Variants in COL27A1 observed in about 807,000 individuals in gnomAD.
COL27A1 encodes the protein collagen alpha-1(XXVII) chain.
COL27A1 carries 106 observed loss-of-function variants against 251.3 expected under a neutral mutation model. That is an observed-to-expected ratio of 0.42 (90% CI 0.36 to 0.50). COL27A1 has a LOEUF of 0.50. Ranked by LOEUF, COL27A1 falls within the 20% of genes least tolerant of loss-of-function variation. The pLI is 0.00. For synonymous variants in COL27A1, 1,000 were observed against 986.3 expected, an observed-to-expected ratio of 1.01 and a Z score of -0.26; for missense variants, 2,325 against 2,522.8, an observed-to-expected ratio of 0.92 and a Z score of 1.68.
At chr9:114,163,413 A>G (rs1848627270) in intron 2 of COL27A1, among the ~76,000 whole-genome samples, 1 of 151,990 alleles carries the variant, frequency 6.6e-6, no homozygotes, top group South Asian at 2.1e-4. Flanking sequence ...TAAAAAAAAA[A>G]AAAAGGCATT....
chr9:114,212,480 A>G (rs1390611551), intron 12 of COL27A1, among the ~76,000 whole-genome samples: 1 of 152,258 alleles, frequency 6.6e-6, no homozygotes, highest in Non-Finnish European at 1.5e-5. Flanking sequence ...GAATGGGGAA[A>G]TGGAAGAATG....
At position 114,237,052 on chromosome 9, in the gene COL27A1, C is replaced by A; in HGVS notation, c.2673+18C>A. Reference sequence around the variant, plus strand: ...GGCCTCTGGTAAGTACCTGCTCCTCCAGCACCCCCAAACCTCACACTCTCC... The same window carrying A: ...GGCCTCTGGTAAGTACCTGCTCCTCAAGCACCCCCAAACCTCACACTCTCC... On this transcript the variant is annotated intron_variant, in intron 18 of 60. Transcript: ENST00000356083. 6.3e-7 allele frequency: 1 copy of A among 1,588,262 alleles called. No individual in the cohort carries two copies.
At chr9:114,180,134 C>T (rs1414664539) in intron 4 of COL27A1, among the ~76,000 whole-genome samples, 1 of 151,290 alleles carries the variant, frequency 6.6e-6, no homozygotes, top group East Asian at 2.0e-4. Flanking sequence ...GCCACTGCGC[C>T]TAGCCCAGAG....
At chr9:114,291,897 C>T (rs189948740) in intron 48 of COL27A1, among the ~76,000 whole-genome samples, 12 of 152,162 alleles carry the variant, frequency 7.9e-5, no homozygotes, top group Admixed American at 3.3e-4. Flanking sequence ...GCCCGGAATG[C>T]GAGAGGAGAG....
At chr9:114,229,359 C>T (rs1208012727) in intron 14 of COL27A1, among the ~76,000 whole-genome samples, 1 of 152,232 alleles carries the variant, frequency 6.6e-6, no homozygotes, top group South Asian at 2.1e-4. Flanking sequence ...CTGTCTCTCT[C>T]TCTCCTCGGG....
At chr9:114,163,284 C>G (rs1422519874) in intron 2 of COL27A1, among the ~76,000 whole-genome samples, 1 of 151,968 alleles carries the variant, frequency 6.6e-6, no homozygotes, top group Non-Finnish European at 1.5e-5. Context: ...AGGAAGGACT[C>G]TGTGCAGAAA....
At chr9:114,241,999 C>T (rs564487796) in intron 21 of COL27A1, among the ~76,000 whole-genome samples, 188 bp from the exon 22 acceptor site, 1 of 152,368 alleles carries the variant, frequency 6.6e-6, no homozygotes, top group African/African-American at 2.4e-5. Flanking sequence ...GTAGCCTGGC[C>T]TCTAGGCCAT....
intron 56 of COL27A1, among the ~76,000 whole-genome samples, chr9:114,304,187 G>T (rs10759690): frequency 0.38 from 58,593 of 152,200 alleles, 12,618 homozygotes; most frequent in Non-Finnish European, 0.48. Context: ...TAGCCAGATG[G>T]TGCATTGAAG....
intron 11 of COL27A1, 143 bp downstream of exon 11, chr9:114,209,871 A>G: frequency 2.6e-6 from 2 of 756,078 alleles, no homozygotes; most frequent in Admixed American, 2.1e-5. Context: ...TGATAAGGGG[A>G]CAAGTCAAGG....
At chr9:114,217,406 A>C (rs1730091853) in intron 12 of COL27A1, among the ~76,000 whole-genome samples, 1 of 152,056 alleles carries the variant, frequency 6.6e-6, no homozygotes, top group African/African-American at 2.4e-5. Context: ...TGGTGCAGTC[A>C]GGACTGTCTT....
At chr9:114,181,145 T>G (rs1827881496) in intron 4 of COL27A1, among the ~76,000 whole-genome samples, 1 of 152,158 alleles carries the variant, frequency 6.6e-6, no homozygotes, top group Non-Finnish European at 1.5e-5. Flanking sequence ...CCCAGTCACT[T>G]ACAGAACAGA....
At chr9:114,234,735 A>G (rs1832237072) in intron 16 of COL27A1, among the ~76,000 whole-genome samples, 1 of 152,146 alleles carries the variant, frequency 6.6e-6, no homozygotes, top group Admixed American at 6.5e-5. Flanking sequence ...TAGTCTCAAC[A>G]AGCCAGGAAA....
intron 1 of COL27A1, among the ~76,000 whole-genome samples, chr9:114,162,081 A>G (rs1226143304): frequency 2.0e-5 from 3 of 152,176 alleles, no homozygotes; most frequent in Non-Finnish European, 4.4e-5. Flanking sequence ...GGCTCTGTCT[A>G]ACTCCCCCTC....
chr9:114,231,913 C>G, intron 16 of COL27A1, 47 bp downstream of exon 16: 2 of 1,574,394 alleles, frequency 1.3e-6, no homozygotes, highest in Non-Finnish European at 1.7e-6. Context: ...CTGCATGCCA[C>G]CCCCCTCTCC....
intron 24 of COL27A1, among the ~76,000 whole-genome samples, chr9:114,249,303 T>C (rs1010378480): frequency 3.9e-5 from 6 of 152,228 alleles, no homozygotes; most frequent in Non-Finnish European, 8.8e-5. Context: ...TTCTGTGAAA[T>C]GTTAGCTGTG....
At chr9:114,180,861 C>G (rs1160893750) in intron 4 of COL27A1, among the ~76,000 whole-genome samples, 1 of 152,162 alleles carries the variant, frequency 6.6e-6, no homozygotes, top group East Asian at 1.9e-4. Context: ...CAGGAAGCCC[C>G]CACCTTCAGA....
intron 4 of COL27A1, among the ~76,000 whole-genome samples, chr9:114,182,267 T>C (rs1279227341): frequency 6.6e-6 from 1 of 151,494 alleles, no homozygotes; most frequent in Admixed American, 6.6e-5. Context: ...TCCCAGCTAC[T>C]CAGGAGGCTA....
chr9:114,195,908 G>C, intron 6 of COL27A1, 51 bp from the exon 7 acceptor site: 4 of 1,316,592 alleles, frequency 3.0e-6, no homozygotes, highest in Admixed American at 3.4e-5. Context: ...GTGTAGCAGA[G>C]TGTCTCTGCT....
intron 27 of COL27A1, among the ~76,000 whole-genome samples, chr9:114,256,898 A>G (rs1027241069): frequency 2.0e-5 from 3 of 152,162 alleles, no homozygotes; most frequent in Admixed American, 1.3e-4. Context: ...GGTGCATTGC[A>G]TGCCTTCTGA....
Sources: allele counts gnomAD v4.1 joint callset (sites outside exome capture counted in the v4.1 genomes callset), GRCh38; gene constraint gnomAD v4.1.1; transcripts MANE v1.5; gene names NCBI Gene and HGNC (gene_info 2026-07-23, HGNC 2026-07-21).